The following MOK variants were observed in gnomAD, a reference collection of about 807,000 sequenced individuals.
MOK encodes the protein MAPK/MAK/MRK overlapping kinase.
In MOK, 59 loss-of-function variants were observed where a neutral mutation model predicts 54.2. That is an observed-to-expected ratio of 1.09 (90% CI 0.88 to 1.35). The LOEUF is 1.35. MOK is among the 40% of genes most tolerant of loss of function. MOK has a pLI of 0.00. For missense variants in MOK, 517 were observed against 526.2 expected, an observed-to-expected ratio of 0.98 and a Z score of 0.17; for synonymous variants, 210 against 202.7, an observed-to-expected ratio of 1.04 and a Z score of -0.31.
the MOK span, among the ~76,000 whole-genome samples, chr14:102,215,817 A>T: frequency 1.3e-5 from 2 of 152,180 alleles, no homozygotes; most frequent in Non-Finnish European, 2.9e-5. Context: ...TGGGATGAGA[A>T]GAACTCATGA....
the MOK span, among the ~76,000 whole-genome samples, chr14:102,217,868 C>T: frequency 2.6e-5 from 4 of 152,326 alleles, no homozygotes; most frequent in East Asian, 3.9e-4. Context: ...AAAAAGGTGT[C>T]GCTTTGCAAA....
chr14:102,275,159 C>G (rs1597486499), intron 2 of MOK, among the ~76,000 whole-genome samples: 1 of 152,200 alleles, frequency 6.6e-6, no homozygotes, highest in African/African-American at 2.4e-5. Context: ...AAATAATCCA[C>G]TGAAGGCAAG....
intron 4 of MOK, 29 bp downstream of exon 4, chr14:102,263,517 T>C (rs1319663164): frequency 6.7e-7 from 1 of 1,490,478 alleles, no homozygotes; most frequent in Admixed American, 1.9e-5. Context: ...AAGAGGATCT[T>C]AGGTTAGCTT....
the MOK span, among the ~76,000 whole-genome samples, chr14:102,217,095 G>C: frequency 6.6e-6 from 1 of 152,124 alleles, no homozygotes; most frequent in Non-Finnish European, 1.5e-5. Flanking sequence ...CCTTTTAGGT[G>C]GGGGGCAGCA....
rs1410040965 is a variant in MOK at position 102,236,649 on chromosome 14, C to CCA, written c.591-2862_591-2861dup. ...GACCCCTCTCCCCAGTACCCACTTCCCACCTCTTTTGTAAACCCAACAGGG... is the reference window on the plus strand; with the variant it reads ...GACCCCTCTCCCCAGTACCCACTTCCCACACCTCTTTTGTAAACCCAACAGGG... On this transcript the variant is annotated intron_variant, in intron 7 of 11. Coordinates refer to ENST00000361847, the MANE Select transcript of MOK (RefSeq NM_014226.3). The surrounding 1 kb of genome is among the most constrained non-coding windows in gnomAD (Gnocchi z 4.5). 1.3e-5 allele frequency among the ~76,000 whole-genome samples: 2 copies of CCA among 151,564 alleles called. No homozygotes were observed. The highest frequency in any genetic ancestry group is 4.9e-5 in the African/African-American group (2 of 40,994).
At chr14:102,253,865 C>T (rs2066724132) in intron 4 of MOK, among the ~76,000 whole-genome samples, 1 of 152,210 alleles carries the variant, frequency 6.6e-6, no homozygotes, top group South Asian at 2.1e-4. Context: ...CCATTTGACA[C>T]TTTTGGTCCT....
chr14:102,250,701 G>T, intron 7 of MOK, 111 bp downstream of exon 7: 1 of 1,106,190 alleles, frequency 9.0e-7, no homozygotes, highest in Non-Finnish European at 1.3e-6. Flanking sequence ...CAGTAAAACA[G>T]AAAGAAAAAC....
intron 4 of MOK, among the ~76,000 whole-genome samples, chr14:102,261,946 T>C (rs1330569939): frequency 6.7e-6 from 1 of 148,468 alleles, no homozygotes; most frequent in Non-Finnish European, 1.5e-5. Flanking sequence ...TGTTACACCA[T>C]TCTCCTGCCT....
intron 7 of MOK, among the ~76,000 whole-genome samples, chr14:102,241,087 G>A (rs886535632): frequency 2.0e-5 from 3 of 152,150 alleles, no homozygotes; most frequent in Admixed American, 1.3e-4. Flanking sequence ...TGGGCAAATG[G>A]TCTGAGGTGC....
intron 4 of MOK, among the ~76,000 whole-genome samples, chr14:102,253,754 T>C (rs543795247): frequency 6.6e-6 from 1 of 152,234 alleles, no homozygotes; most frequent in Non-Finnish European, 1.5e-5. Flanking sequence ...GATTTTAATT[T>C]TCAAAGTGTG....
chr14:102,236,419 C>T lies in MOK; in HGVS notation c.591-2630G>A, dbSNP rs559348188. ...CTGATGGACTCATCTTGCGTCCACG[C>T]GCCACCAGACCCCTTACTTGCTCTC... On this transcript the variant is annotated intron_variant, in intron 7 of 11. Transcript: ENST00000361847. The surrounding 1 kb of genome is among the most constrained non-coding windows in gnomAD (Gnocchi z 4.5). Among the ~76,000 whole-genome samples the T allele has an allele frequency of 9.2e-5, 14 of 152,314 alleles. No individual in the cohort carries two copies. The highest frequency in any genetic ancestry group is 1.3e-4 in the Non-Finnish European group (9 of 68,024).
At chr14:102,303,044 T>G (rs530158974) in intron 1 of MOK, among the ~76,000 whole-genome samples, 99 of 151,480 alleles carry the variant, frequency 6.5e-4, no homozygotes, top group African/African-American at 2.1e-3. Flanking sequence ...ACCTGTAATC[T>G]CAGCTACTTG....
In MOK at chr14:102,251,773, C is replaced by A. The variant is rs752741237; in HGVS notation, c.394G>T (p.Glu132Ter). 6.4e-7 allele frequency: 1 copy of A among 1,569,616 alleles called. No homozygotes were observed. Among genetic ancestry groups the A allele is most frequent in the Non-Finnish European group, 8.8e-7 (1 of 1,141,496 alleles). The change falls in exon 6 of 12, where the codon GAA becomes TAA. Residue 132 changes from glutamate (E) to a stop codon, truncating the protein, a stop_gained. Transcript: ENST00000361847. LOFTEE classifies it high-confidence loss of function. ...NGIFHRDVKP[E>*]NILIKQDVLK... ...GCTCTTACCTTTATTAGTATATTTTCTGGTTTTACATCTCTGTGAAATATT... is the reference window on the plus strand; with the variant it reads ...GCTCTTACCTTTATTAGTATATTTTATGGTTTTACATCTCTGTGAAATATT...
chr14:102,241,348 C>T (rs1193020141), intron 7 of MOK, among the ~76,000 whole-genome samples: 1 of 152,174 alleles, frequency 6.6e-6, no homozygotes, highest in African/African-American at 2.4e-5. Flanking sequence ...CCTTTAATCA[C>T]CTCCCATCCT....
intron 2 of MOK, among the ~76,000 whole-genome samples, chr14:102,266,184 T>G (rs1260503252): frequency 3.3e-5 from 5 of 152,120 alleles, no homozygotes; most frequent in African/African-American, 9.7e-5. Context: ...TTAACAAACA[T>G]AAAAGTAGAC....
intron 2 of MOK, among the ~76,000 whole-genome samples, chr14:102,272,521 T>G (rs1473588198): frequency 1.3e-5 from 2 of 151,858 alleles, no homozygotes; most frequent in Admixed American, 6.6e-5. Flanking sequence ...ACAAAAATAC[T>G]TGACAAAATA....
At chr14:102,283,744 C>G (rs2153171488) in intron 1 of MOK, 152 bp from the exon 2 acceptor site, 1 of 564,550 alleles carries the variant, frequency 1.8e-6, no homozygotes, top group African/African-American at 1.9e-5. Flanking sequence ...GTGGTCCCCT[C>G]AACTTTAGGG....
rs2064772673 is a variant in MOK at position 102,231,985 on chromosome 14, G to GCCTGACAGTCTCTGGGCCAGGAACA, written c.867-189_867-165dup. The stretch of plus-strand genomic sequence containing the variant: ...GCCTTTTTTTTTCTTTTCTGTCTCA[G>GCCTGACAGTCTCTGGGCCAGGAACA]CCTGACAGTCTCTGGGCCAGGAACA... On this transcript the variant is annotated intron_variant, in intron 9 of 11. Transcript: ENST00000361847. This position sits in a 1 kb window ranked among gnomAD's most constrained non-coding sequence, Gnocchi z 4.4. 5.4e-6 allele frequency: 3 copies of GCCTGACAGTCTCTGGGCCAGGAACA among 558,164 alleles called. No homozygotes were observed. The highest frequency in any genetic ancestry group is 3.3e-5 in the Admixed American group (1 of 30,562). 34.6% of individuals were successfully genotyped at this position (558,164 alleles called of 1,614,324 possible).
intron 2 of MOK, among the ~76,000 whole-genome samples, chr14:102,273,553 G>C (rs139232368): frequency 6.6e-6 from 1 of 152,038 alleles, no homozygotes; most frequent in Non-Finnish European, 1.5e-5. Flanking sequence ...CAAGGTGGGC[G>C]GATCACCTGA....
Sources: gnomAD v4.1 joint callset for allele counts (sites outside exome capture counted in the v4.1 genomes callset) on GRCh38, gnomAD v4.1.1 for gene constraint, Gnocchi (gnomAD v3.1) non-coding constraint, MANE v1.5 for transcripts, NCBI Gene and HGNC (gene_info 2026-07-23, HGNC 2026-07-21) for gene names.